Variants in CSMD1 observed in about 807,000 individuals in gnomAD.
CSMD1 encodes CUB and sushi domain-containing protein 1.
CSMD1 carries 213 observed loss-of-function variants against 417.5 expected under a neutral mutation model. The ratio of observed to expected loss-of-function variants is 0.51; its 90% CI spans 0.46 to 0.57. CSMD1 has a LOEUF of 0.57. Ranked by LOEUF, CSMD1 falls within the 20% of genes least tolerant of loss-of-function variation. CSMD1 has a pLI of 0.00. For missense variants in CSMD1, 6,923 were observed against 4,529.7 expected, an observed-to-expected ratio of 1.53 and a Z score of -15.17; for synonymous variants, 2,862 against 1,736.8, an observed-to-expected ratio of 1.65 and a Z score of -16.11.
At chr8:4,548,183 T>C (rs565399946) in intron 2 of CSMD1, among the ~76,000 whole-genome samples, 2 of 152,330 alleles carry the variant, frequency 1.3e-5, no homozygotes, top group South Asian at 4.1e-4. Context: ...AGAGCTTATG[T>C]TGGGCCTAAC....
At chr8:3,154,467 T>G (rs1819395088) in intron 39 of CSMD1, among the ~76,000 whole-genome samples, 1 of 152,160 alleles carries the variant, frequency 6.6e-6, no homozygotes, top group South Asian at 2.1e-4. Flanking sequence ...GGGAAAGGAG[T>G]TTATTTTTAT....
chr8:4,890,123 C>A (rs1485060822), intron 1 of CSMD1, among the ~76,000 whole-genome samples: 3 of 152,072 alleles, frequency 2.0e-5, no homozygotes, highest in Admixed American at 6.5e-5. Flanking sequence ...TTTATGATGG[C>A]CTCTAGAAAA....
chr8:4,797,709 A>T (rs2117265905), intron 1 of CSMD1, among the ~76,000 whole-genome samples: 1 of 152,340 alleles, frequency 6.6e-6, no homozygotes. Flanking sequence ...AGCAACAAAG[A>T]TACCTCCTTA....
chr8:4,779,318 A>T (rs1042539554), intron 1 of CSMD1, among the ~76,000 whole-genome samples: 8 of 152,164 alleles, frequency 5.3e-5, no homozygotes, highest in Admixed American at 1.3e-4. Context: ...ATTTATTTTT[A>T]AAAAATCAAG....
chr8:3,113,110 CT>C lies in CSMD1; in HGVS notation c.6431-2776del, dbSNP rs1172410337. ...TGTCTCGGCAGGAAGCGTATCCCCC[CT>C]GCCTTCCTTTCCCTGAAGGCGGGGT... is the stretch of plus-strand genomic sequence containing the variant. On this transcript the variant is annotated intron_variant, in intron 42 of 69. Transcript: ENST00000635120. 1.6e-4 allele frequency: 24 copies of C among 152,278 alleles called. 1 individual carries two copies. The highest frequency in any genetic ancestry group is 1.5e-3 in the Admixed American group (23 of 15,282). The allele number at this position is 152,278 out of a possible 1,614,324, so 9.4% of individuals were successfully genotyped here.
chr8:4,964,501 CCAAAAAAAAAA>C (rs1022390215), intron 1 of CSMD1, among the ~76,000 whole-genome samples: 13 of 81,044 alleles, frequency 1.6e-4, no homozygotes, highest in Admixed American at 8.0e-4. Flanking sequence ...GACCCTGTCT[CCAAAAAAAAAA>C]AAAAAAAAAA....
intron 1 of CSMD1, among the ~76,000 whole-genome samples, chr8:4,775,701 T>A (rs1796817957): frequency 6.6e-6 from 1 of 152,206 alleles, no homozygotes; most frequent in African/African-American, 2.4e-5. Context: ...AGGCAGCGTC[T>A]GTCATGGCCC....
chr8:4,224,835 C>T (rs369148213), intron 3 of CSMD1, among the ~76,000 whole-genome samples: 10 of 152,166 alleles, frequency 6.6e-5, no homozygotes, highest in Admixed American at 2.0e-4. Flanking sequence ...ATATATAGGG[C>T]GCTGTGGCTC....
chr8:3,080,855 G>A (rs1179534706), intron 49 of CSMD1, among the ~76,000 whole-genome samples: 3 of 152,118 alleles, frequency 2.0e-5, no homozygotes, highest in African/African-American at 7.2e-5. Flanking sequence ...TTTGGAGGGG[G>A]ATGGCCCTCA....
intron 5 of CSMD1, among the ~76,000 whole-genome samples, chr8:3,757,800 G>C: frequency 6.6e-6 from 1 of 151,802 alleles, no homozygotes; most frequent in East Asian, 2.0e-4. Context: ...AGTGAGTTGA[G>C]ATCACACCAT....
At chr8:4,715,113 C>A (rs911078761) in intron 1 of CSMD1, among the ~76,000 whole-genome samples, 3 of 152,102 alleles carry the variant, frequency 2.0e-5, no homozygotes, top group Admixed American at 1.3e-4. Context: ...ACTTATAGTT[C>A]AGATCCAAAA....
intron 5 of CSMD1, among the ~76,000 whole-genome samples, chr8:3,812,026 T>C (rs933958969): frequency 7.0e-6 from 1 of 142,810 alleles, no homozygotes; most frequent in African/African-American, 2.5e-5. Context: ...CTTCTTATGC[T>C]TAGTGAGAAA....
intron 10 of CSMD1, among the ~76,000 whole-genome samples, chr8:3,540,159 T>C (rs1400623297): frequency 1.3e-5 from 2 of 152,174 alleles, no homozygotes; most frequent in Non-Finnish European, 2.9e-5. Flanking sequence ...GAACTGAGTG[T>C]AACACAGTGA....
At chr8:3,348,890 C>T (rs981453230) in intron 21 of CSMD1, among the ~76,000 whole-genome samples, 1 of 152,194 alleles carries the variant, frequency 6.6e-6, no homozygotes, top group Non-Finnish European at 1.5e-5. Context: ...CAGCACCTGT[C>T]TCACAGTGAA....
chr8:3,247,580 G>A (rs934357066), intron 26 of CSMD1, among the ~76,000 whole-genome samples: 2 of 152,170 alleles, frequency 1.3e-5, no homozygotes, highest in Admixed American at 1.3e-4. Context: ...GGATGGCCCA[G>A]GACATTCTCC....
chr8:3,643,312 G>C (rs1025331841), intron 7 of CSMD1, among the ~76,000 whole-genome samples: 1 of 151,940 alleles, frequency 6.6e-6, no homozygotes, highest in Non-Finnish European at 1.5e-5. Flanking sequence ...GGCAAAGAAA[G>C]AGGTGAAAAA....
At chr8:3,472,587 C>CAT (rs57031145) in intron 11 of CSMD1, among the ~76,000 whole-genome samples, 33,775 of 151,494 alleles carry the variant, frequency 0.22, 5,055 homozygotes, top group East Asian at 0.58. Flanking sequence ...TTTATACTGA[C>CAT]ATATATATAT....
At chr8:3,859,180 C>G (rs1008700520) in intron 5 of CSMD1, among the ~76,000 whole-genome samples, 2 of 152,176 alleles carry the variant, frequency 1.3e-5, no homozygotes, top group African/African-American at 2.4e-5. Context: ...ACAACAGGCT[C>G]TCTAAATATG....
intron 4 of CSMD1, among the ~76,000 whole-genome samples, chr8:4,014,361 G>C (rs184480426): frequency 3.9e-5 from 6 of 152,272 alleles, no homozygotes; most frequent in African/African-American, 1.4e-4. Context: ...GTAAAATATT[G>C]AGAATCAAAT....
Sources: allele counts gnomAD v4.1 joint callset (sites outside exome capture counted in the v4.1 genomes callset), GRCh38; gene constraint gnomAD v4.1.1; transcripts MANE v1.5; gene names NCBI Gene and HGNC (gene_info 2026-07-23, HGNC 2026-07-21).